The following ZKSCAN2 variants were observed in gnomAD, a reference collection of about 807,000 sequenced individuals.
ZKSCAN2 encodes the protein zinc finger with KRAB and SCAN domains 2.
A neutral mutation model predicts 90.5 loss-of-function variants in ZKSCAN2; 38 were observed. That is an observed-to-expected ratio of 0.42 (90% CI 0.32 to 0.55). The LOEUF (loss-of-function observed/expected upper bound fraction) is 0.55, where lower values mean the gene tolerates loss of function less well. Among genes scored for constraint, ZKSCAN2 ranks in the 20% least tolerant of loss-of-function variants. The pLI is 0.11. For missense variants in ZKSCAN2, 1,167 were observed against 1,202.6 expected (o/e 0.97, Z 0.44); for synonymous variants, 429 against 421.6 (o/e 1.02, Z -0.22).
chr16:25,253,940 G>A (rs146660648), intron 2 of ZKSCAN2, among the ~76,000 whole-genome samples: 24 of 152,358 alleles, frequency 1.6e-4, no homozygotes, highest in African/African-American at 5.5e-4. Context: ...CCTGGGAGGC[G>A]GAGGTTGCTG....
At position 25,236,229 on chromosome 16, in the gene ZKSCAN2, C is replaced by T. The variant is rs186900225; in HGVS notation, c.*3587G>A. Reference sequence around the variant, plus strand: ...CACAGCTGTCTTGTCTGTCACTGGGCGCCAGACCTCCTGACAGAGGCTTCC... The same window carrying T: ...CACAGCTGTCTTGTCTGTCACTGGGTGCCAGACCTCCTGACAGAGGCTTCC... On this transcript the variant is annotated 3_prime_UTR_variant, in exon 7 of 7. Transcript: ENST00000328086. 2.6e-5 allele frequency: 4 copies of T among 152,340 alleles called. No individual in the cohort carries two copies. Among genetic ancestry groups the T allele is most frequent in the East Asian group, 1.9e-4 (1 of 5,174 alleles). 9.4% of individuals were successfully genotyped at this position (152,340 alleles called of 1,614,324 possible). A position where few individuals can be genotyped will look rare whatever the true frequency, so the allele number is the denominator to read the frequency against.
At chr16:25,254,811 T>C (rs1292093825) in intron 2 of ZKSCAN2, among the ~76,000 whole-genome samples, 6 of 150,964 alleles carry the variant, frequency 4.0e-5, no homozygotes, top group Non-Finnish European at 7.4e-5. Context: ...TTTTTTTTTT[T>C]GAGACAGGGT....
intron 5 of ZKSCAN2, among the ~76,000 whole-genome samples, chr16:25,245,769 C>T (rs1355574368): frequency 2.2e-5 from 3 of 134,560 alleles, no homozygotes; most frequent in Non-Finnish European, 4.7e-5. Flanking sequence ...GACACCGTCT[C>T]GGAAAAAAAA....
chr16:25,255,319 T>C lies in ZKSCAN2; in HGVS notation c.473A>G (p.Glu158Gly). The C allele has an allele frequency of 6.2e-7, 1 of 1,613,836 alleles. No individual in the cohort carries two copies. Among genetic ancestry groups the C allele is most frequent in the African/African-American group, 1.3e-5 (1 of 75,016 alleles). Residue 158 changes from glutamate (E) to glycine (G), a missense_variant, in exon 2 of 7, where the codon GAG becomes GGG. Glu to Gly is a moderately conservative substitution (Grantham distance 98). Coordinates refer to ENST00000328086, the MANE Select transcript of ZKSCAN2 (RefSeq NM_001012981.5). ...CGCCCTGGGTTGGGTCTCCACCTGC[T>C]CTGGCTGGAAGTCTGCCACCTCCCA... ...AAWEVADFQP[E>G]QVETQPRAVS... is the part of the protein sequence containing the mutation.
chr16:25,239,692 T>C lies in ZKSCAN2; in HGVS notation c.*124A>G. On this transcript the variant is annotated 3_prime_UTR_variant, in exon 7 of 7. Transcript: ENST00000328086. ...CAGAGGTGAGAACAGGATGAAAGTG[T>C]TTAGTTTATTTATATTCTCAAGTTT... 1.2e-6 allele frequency: 1 copy of C among 815,648 alleles called. No individual in the cohort carries two copies. The highest frequency in any genetic ancestry group is 1.9e-6 in the Non-Finnish European group (1 of 523,764). The allele number at this position is 815,648 out of a possible 1,614,324, so 50.5% of individuals were successfully genotyped here.
In ZKSCAN2 at chr16:25,257,019, C is replaced by T. The variant is rs752077333; in HGVS notation, c.109G>A (p.Gly37Arg). 9.3e-6 allele frequency: 15 copies of T among 1,614,222 alleles called. No homozygotes were observed. The highest frequency in any genetic ancestry group is 1.0e-5 in the Non-Finnish European group (12 of 1,180,042). ...CGGAAGGTCTCAGAGCTATCCGATC[C>T]TTCCAGAATGGGCTCTGATGCCCAC... ...PEWASEPILE[G>R]SDSSETFRKC... The change falls in exon 1 of 7, where the codon GGA becomes AGA. Residue 37 changes from glycine to arginine, a missense_variant. Transcript: ENST00000328086.
In ZKSCAN2 at chr16:25,256,978, T is replaced by C. The variant is rs762119218; in HGVS notation, c.150A>G (p.Gln50=). The C allele has an allele frequency of 1.2e-5, 19 of 1,614,094 alleles. No homozygotes were observed. In the Admixed American group the frequency reaches 1.8e-4, roughly 16 times the overall value. ...SSETFRKCFR[Q]FCYEDVTGPH... The stretch of plus-strand genomic sequence containing the variant: ...GTCCAGTCACATCCTCATAACAGAA[T>C]TGCCTGAAGCATTTGCGGAAGGTCT... The change falls in exon 1 of 7, where the codon CAA becomes CAG. Residue 50 remains glutamine (Q), a synonymous_variant. Transcript: ENST00000328086.
At position 25,240,280 on chromosome 16, in the gene ZKSCAN2, C is replaced by T. The variant is rs1287425161; in HGVS notation, c.2440G>A (p.Asp814Asn). 6.8e-6 allele frequency: 11 copies of T among 1,613,896 alleles called. No individual in the cohort carries two copies. In the East Asian group the frequency reaches 1.6e-4, roughly 23 times the overall value. Residue 814 changes from aspartate (D) to asparagine (N), a missense_variant, in exon 7 of 7, where the codon GAC becomes AAC. Transcript: ENST00000328086. Reference sequence around the variant, plus strand: ...TGGTGGGCACCAAAATTTGAGGAGTCATTAAAGCTTTTTCCACAGTCAAGA... The same window carrying T: ...TGGTGGGCACCAAAATTTGAGGAGTTATTAAAGCTTTTTCCACAGTCAAGA... Reference protein sequence around the residue: ...KCLDCGKSFNDSSNFGAHQRI... With the variant: ...KCLDCGKSFNNSSNFGAHQRI...
chr16:25,256,976 A>C lies in ZKSCAN2; in HGVS notation c.152T>G (p.Phe51Cys). 1.2e-6 allele frequency: 2 copies of C among 1,614,210 alleles called. No homozygotes were observed. The highest frequency in any genetic ancestry group is 1.3e-5 in the African/African-American group (1 of 75,056). The change falls in exon 1 of 7, where the codon TTC becomes TGC. Residue 51 changes from phenylalanine to cysteine, a missense_variant. Physicochemically the swap from Phe to Cys is radical, Grantham distance 205. Transcript: ENST00000328086. ...GGGTCCAGTCACATCCTCATAACAG[A>C]ATTGCCTGAAGCATTTGCGGAAGGT... is the stretch of plus-strand genomic sequence containing the variant. ...SETFRKCFRQ[F>C]CYEDVTGPHE...
chr16:25,242,025 A>G (rs1188289288), intron 6 of ZKSCAN2, among the ~76,000 whole-genome samples: 2 of 151,744 alleles, frequency 1.3e-5, no homozygotes, highest in Non-Finnish European at 2.9e-5. Context: ...GCACACCACC[A>G]CTCCCAGCTA....
chr16:25,243,780 C>CAAAACTCCTTGGTTTTGCACA lies in ZKSCAN2; in HGVS notation c.1981+4_1981+5insTGTGCAAAACCAAGGAGTTTT. ...GGACTAAAACTCCTTGGTTTTGCAC[C>CAAAACTCCTTGGTTTTGCACA]TTACCATTTGGGCTCTGCAGTAGAC... On this transcript the variant is annotated splice_donor_region_variant and intron_variant, in intron 6 of 6. Transcript: ENST00000328086. 1 of 1,596,718 alleles carries CAAAACTCCTTGGTTTTGCACA rather than the reference C, an allele frequency of 6.3e-7. No individual in the cohort carries two copies. Among genetic ancestry groups the CAAAACTCCTTGGTTTTGCACA allele is most frequent in the South Asian group, 1.1e-5 (1 of 88,744 alleles).
chr16:25,251,071 TAATA>T (rs1163398871), intron 4 of ZKSCAN2, among the ~76,000 whole-genome samples: 3 of 152,046 alleles, frequency 2.0e-5, no homozygotes, highest in African/African-American at 7.2e-5. Context: ...TACATATATT[TAATA>T]AATAAATATT....
At chr16:25,241,077 A>G (rs574889783) in intron 6 of ZKSCAN2, among the ~76,000 whole-genome samples, 1 of 152,300 alleles carries the variant, frequency 6.6e-6, no homozygotes, top group South Asian at 2.1e-4. Flanking sequence ...AAAGCACACT[A>G]CACCACACTG....
rs1043294689 is a variant in ZKSCAN2 at position 25,238,903 on chromosome 16, T to C, written c.*913A>G. On this transcript the variant is annotated 3_prime_UTR_variant, in exon 7 of 7. Transcript: ENST00000328086. ...GCCAACATGCCAGTCATGTTCTAGA[T>C]AAGAGCCAGAGAAGTTAGAGGATAG... is the stretch of plus-strand genomic sequence containing the variant. 2.0e-5 allele frequency: 3 copies of C among 152,248 alleles called. No homozygotes were observed. The highest frequency in any genetic ancestry group is 1.3e-4 in the Admixed American group (2 of 15,270). The allele number at this position is 152,248 out of a possible 1,614,324, so 9.4% of individuals were successfully genotyped here. A position where few individuals can be genotyped will look rare whatever the true frequency, so the allele number is the denominator to read the frequency against.
rs1963116840 is a variant in ZKSCAN2, at chr16:25,257,094, G to A, written c.34C>T (p.Pro12Ser). ...ATTAGGCATCCCTCAACCTCCAGGG[G>A]CGCGTCGATCTGAGAGTCGAGGGCG... ...AVALDSQIDA[P>S]LEVEGCLIMK... The change falls in exon 1 of 7, where the codon CCC becomes TCC. Residue 12 changes from proline to serine, a missense_variant. Coordinates refer to ENST00000328086, the MANE Select transcript of ZKSCAN2 (RefSeq NM_001012981.5). The A allele has an allele frequency of 1.2e-6, 2 of 1,610,042 alleles. No individual in the cohort carries two copies. The highest frequency in any genetic ancestry group is 1.7e-6 in the Non-Finnish European group (2 of 1,177,676).
chr16:25,245,549 T>C (rs1962919701), intron 5 of ZKSCAN2, among the ~76,000 whole-genome samples: 1 of 152,094 alleles, frequency 6.6e-6, no homozygotes, highest in African/African-American at 2.4e-5. Context: ...GTGGATCATT[T>C]GAGGTTGGGA....
At chr16:25,250,290 G>A (rs964804331) in intron 4 of ZKSCAN2, among the ~76,000 whole-genome samples, 1 of 151,778 alleles carries the variant, frequency 6.6e-6, no homozygotes, top group African/African-American at 2.4e-5. Flanking sequence ...GCCTGGGTGA[G>A]AGCAAAACTC....
intron 2 of ZKSCAN2, among the ~76,000 whole-genome samples, chr16:25,254,987 A>G (rs1221788914): frequency 6.7e-6 from 1 of 148,756 alleles, no homozygotes; most frequent in Non-Finnish European, 1.5e-5. Context: ...GCGATTTTGT[A>G]GAGACTGGGT....
In ZKSCAN2 at chr16:25,247,315, G is replaced by C. The variant is rs1389293689; in HGVS notation, c.881C>G (p.Ser294Cys). ...RKEPWTLGLH[S>C]SNKRSILRSN... ...TCGTAGGATACTTCTCTTGTTAGAGGAATGCAGACCTAGAGTCCATGGCTC... is the reference window on the plus strand; with the variant it reads ...TCGTAGGATACTTCTCTTGTTAGAGCAATGCAGACCTAGAGTCCATGGCTC... The change falls in exon 5 of 7, where the codon TCC becomes TGC. Residue 294 changes from serine (S) to cysteine (C), a missense_variant. By Grantham distance (112) the Ser-to-Cys change is moderately radical (BLOSUM62 -1). Transcript: ENST00000328086. 1.2e-6 allele frequency: 2 copies of C among 1,613,804 alleles called. No individual in the cohort carries two copies. Among genetic ancestry groups the C allele is most frequent in the East Asian group, 2.2e-5 (1 of 44,894 alleles).
Sources: gnomAD v4.1 joint callset for allele counts (sites outside exome capture counted in the v4.1 genomes callset) on GRCh38, gnomAD v4.1.1 for gene constraint, MANE v1.5 for transcripts, NCBI Gene and HGNC (gene_info 2026-07-23, HGNC 2026-07-21) for gene names.